Variants in TNC observed in about 807,000 individuals in gnomAD.
The protein encoded by TNC is tenascin.
TNC carries 109 observed loss-of-function variants against 202.4 expected under a neutral mutation model. The ratio of observed to expected loss-of-function variants is 0.54; its 90% CI spans 0.46 to 0.63. The LOEUF (loss-of-function observed/expected upper bound fraction) is 0.63, where lower values mean the gene tolerates loss of function less well. Ranked by LOEUF, TNC falls within the 30% of genes least tolerant of loss-of-function variation. The pLI is 0.00. For missense variants in TNC, 2,756 were observed against 2,833.3 expected (o/e 0.97, Z 0.62); for synonymous variants, 1,007 against 1,089.7 (o/e 0.92, Z 1.50).
chr9:115,061,158 T>A (rs147543991), intron 13 of TNC, among the ~76,000 whole-genome samples: 150 of 152,266 alleles, frequency 9.9e-4, no homozygotes, highest in Non-Finnish European at 1.7e-3. Context: ...CTGCAGGGAT[T>A]TCAACCAAAA....
At position 115,111,628 on chromosome 9, in the gene TNC, C is replaced by T. The variant is rs192152499; in HGVS notation, c.-137+6354G>A. ...GTTTCAGCATATTGGCCAGGCTGGTCTCGAACTCCTAACCTCAAGTGATCC... is the reference window on the plus strand; with the variant it reads ...GTTTCAGCATATTGGCCAGGCTGGTTTCGAACTCCTAACCTCAAGTGATCC... On this transcript the variant is annotated intron_variant, in intron 1 of 27. Transcript: ENST00000350763. Among the ~76,000 whole-genome samples the T allele has an allele frequency of 1.1e-3, 163 of 151,968 alleles. 1 individual carries two copies. Among genetic ancestry groups the T allele is most frequent in the African/African-American group, 3.8e-3 (156 of 41,466 alleles).
In TNC at chr9:115,094,815, CTCTGTGTGTGTGTG is replaced by C. The variant is rs1475735474; in HGVS notation, c.-136-3675_-136-3662del. Among the ~76,000 whole-genome samples, 270 of 125,300 alleles carry C rather than the reference CTCTGTGTGTGTGTG, an allele frequency of 2.2e-3. 3 individuals are homozygous for C. The highest frequency in any genetic ancestry group is 7.0e-3 in the African/African-American group (228 of 32,632). 82.2% of individuals were successfully genotyped at this position (125,300 alleles called of 152,430 possible). ...TAGCCCCTAAGGACAGAACAAGTGCCTCTGTGTGTGTGTGTGTGTGTGTGTGTGTGTGTGTGTGT... is the reference window on the plus strand; with the variant it reads ...TAGCCCCTAAGGACAGAACAAGTGCCTGTGTGTGTGTGTGTGTGTGTGTGT... On this transcript the variant is annotated intron_variant, in intron 1 of 27. Coordinates refer to ENST00000350763, the MANE Select transcript of TNC (RefSeq NM_002160.4).
chr9:115,067,870 A>G (rs1286644848), intron 10 of TNC, among the ~76,000 whole-genome samples: 1 of 151,518 alleles, frequency 6.6e-6, no homozygotes, highest in Non-Finnish European at 1.5e-5. Flanking sequence ...AAGAAAGAGC[A>G]TTGGTTTATA....
At chr9:115,038,492 G>T in intron 19 of TNC, 112 bp from the exon 20 acceptor site, 1 of 1,383,358 alleles carries the variant, frequency 7.2e-7, no homozygotes, top group East Asian at 2.6e-5. Flanking sequence ...AGTGTCAGCT[G>T]CATGGAATGG....
chr9:115,079,830 A>C (rs1834163956), intron 6 of TNC, among the ~76,000 whole-genome samples: 1 of 152,234 alleles, frequency 6.6e-6, no homozygotes, highest in South Asian at 2.1e-4. Context: ...CCTCTCAAAC[A>C]TATTGACCTC....
chr9:115,058,532 GA>G (rs1284214909), intron 14 of TNC, among the ~76,000 whole-genome samples: 1 of 152,184 alleles, frequency 6.6e-6, no homozygotes, highest in Non-Finnish European at 1.5e-5. Context: ...TCAGAAAAAG[GA>G]GGTCCGGGTG....
intron 17 of TNC, among the ~76,000 whole-genome samples, chr9:115,044,600 GA>G (rs35985957): frequency 2.0e-5 from 3 of 151,222 alleles, no homozygotes; most frequent in Admixed American, 2.0e-4. Flanking sequence ...AGGGCTTCTA[GA>G]AAAAAAAGAT....
chr9:115,026,801 C>A (rs1456320574), intron 25 of TNC, 106 bp from the exon 26 acceptor site: 3 of 882,428 alleles, frequency 3.4e-6, no homozygotes, highest in Non-Finnish European at 4.6e-6. Flanking sequence ...ACAGGGCCAA[C>A]TGGGCCCAGT....
chr9:115,075,661 T>C (rs1055720793), intron 9 of TNC, among the ~76,000 whole-genome samples: 1 of 152,106 alleles, frequency 6.6e-6, no homozygotes, highest in Non-Finnish European at 1.5e-5. Context: ...GGTATGCACC[T>C]GTAGTCCCAG....
chr9:115,040,439 G>C (rs373656251), intron 19 of TNC, among the ~76,000 whole-genome samples: 2 of 152,204 alleles, frequency 1.3e-5, no homozygotes, highest in African/African-American at 4.8e-5. Flanking sequence ...ACACTCACAA[G>C]GGTTCCAGGC....
chr9:115,095,386 A>T (rs1408671340), intron 1 of TNC, among the ~76,000 whole-genome samples: 1 of 150,592 alleles, frequency 6.6e-6, no homozygotes, highest in Non-Finnish European at 1.5e-5. Context: ...AGAGTTCTAC[A>T]GCAAAGTGAG....
At chr9:115,059,407 T>C (rs1322389726) in intron 14 of TNC, among the ~76,000 whole-genome samples, 1 of 152,156 alleles carries the variant, frequency 6.6e-6, no homozygotes, top group Non-Finnish European at 1.5e-5. Flanking sequence ...CTCCAAGCAC[T>C]GGAGAAGTGA....
intron 10 of TNC, among the ~76,000 whole-genome samples, chr9:115,070,512 G>A (rs1352162677): frequency 6.6e-6 from 1 of 152,238 alleles, no homozygotes; most frequent in Non-Finnish European, 1.5e-5. Context: ...CCCATGGCTG[G>A]GTCTTTGGGC....
intron 1 of TNC, among the ~76,000 whole-genome samples, chr9:115,097,373 T>C (rs1057216391): frequency 1.3e-5 from 2 of 152,280 alleles, no homozygotes; most frequent in African/African-American, 2.4e-5. Flanking sequence ...TAGCTAATGA[T>C]AGCAGCAGCG....
At chr9:115,047,021 GCT>G (rs1366003811) in intron 16 of TNC, among the ~76,000 whole-genome samples, 2 of 152,072 alleles carry the variant, frequency 1.3e-5, no homozygotes, top group Non-Finnish European at 2.9e-5. Context: ...GTTTACATTT[GCT>G]CTCTGTCTTC....
intron 16 of TNC, among the ~76,000 whole-genome samples, chr9:115,046,972 G>A (rs1268863377): frequency 1.3e-5 from 2 of 152,098 alleles, no homozygotes; most frequent in African/African-American, 2.4e-5. Flanking sequence ...GCATTGGCCC[G>A]TCCCACATAT....
At chr9:115,095,602 ATATATG>A (rs1438108002) in intron 1 of TNC, among the ~76,000 whole-genome samples, 32 of 2,006 alleles carry the variant, frequency 0.016, 7 homozygotes, top group African/African-American at 0.034. Flanking sequence ...ATATGTATAT[ATATATG>A]TATATATGTA....
intron 17 of TNC, among the ~76,000 whole-genome samples, chr9:115,045,325 T>C (rs185039452): frequency 7.5e-4 from 114 of 152,298 alleles, no homozygotes; most frequent in African/African-American, 2.6e-3. Context: ...CATGTTCATC[T>C]TAGTATTATT....
At chr9:115,024,441 G>A (rs1324434477) in intron 26 of TNC, among the ~76,000 whole-genome samples, 2 of 152,114 alleles carry the variant, frequency 1.3e-5, no homozygotes, top group Admixed American at 1.3e-4. Context: ...GCATCTTGTT[G>A]AACCTCAGTT....
Sources: allele counts gnomAD v4.1 joint callset (sites outside exome capture counted in the v4.1 genomes callset), GRCh38; gene constraint gnomAD v4.1.1; transcripts MANE v1.5; gene names NCBI Gene and HGNC (gene_info 2026-07-23, HGNC 2026-07-21).